KLHL32: variants seen among roughly 807,000 people sequenced by gnomAD.
The protein encoded by KLHL32 is kelch like family member 32.
A neutral mutation model predicts 64.8 loss-of-function variants in KLHL32; 35 were observed. That is an observed-to-expected ratio of 0.54 (90% CI 0.41 to 0.72). The LOEUF (loss-of-function observed/expected upper bound fraction) is 0.72. Ranked by LOEUF, KLHL32 falls within the 30% of genes least tolerant of loss-of-function variation. KLHL32 has a pLI of 0.00. For missense variants in KLHL32, 589 were observed against 768.5 expected, an observed-to-expected ratio of 0.77 and a Z score of 2.76; for synonymous variants, 259 against 281.0, an observed-to-expected ratio of 0.92 and a Z score of 0.78.
rs532703148 is a variant in KLHL32, at chr6:97,020,187, C to G, written c.205-21305C>G. 5.7e-4 allele frequency among the ~76,000 whole-genome samples: 80 copies of G among 140,998 alleles called. 1 individual carries two copies. Among genetic ancestry groups the G allele is most frequent in the Non-Finnish European group, 1.0e-3 (70 of 67,838 alleles). 92.5% of individuals were successfully genotyped at this position (140,998 alleles called of 152,430 possible). A position where few individuals can be genotyped will look rare whatever the true frequency, so the allele number is the denominator to read the frequency against. Reference sequence around the variant, plus strand: ...CAAACTCCTGACCTCATGATCCACCCGCTTCGGCCTCCCAAAGTGCTGGGA... The same window carrying G: ...CAAACTCCTGACCTCATGATCCACCGGCTTCGGCCTCCCAAAGTGCTGGGA... On this transcript the variant is annotated intron_variant, in intron 3 of 10. Coordinates refer to ENST00000369261, the MANE Select transcript of KLHL32 (RefSeq NM_052904.4).
intron 1 of KLHL32, among the ~76,000 whole-genome samples, chr6:96,939,517 T>C (rs548590377): frequency 6.6e-6 from 1 of 152,280 alleles, no homozygotes; most frequent in South Asian, 2.1e-4. Flanking sequence ...TGACCTGCTC[T>C]GGAGGTTGAT....
intron 1 of KLHL32, among the ~76,000 whole-genome samples, chr6:96,955,234 T>C (rs140347089): frequency 2.0e-5 from 3 of 152,336 alleles, no homozygotes; most frequent in Non-Finnish European, 4.4e-5. Flanking sequence ...ATGAACCTCA[T>C]ACTCATACCA....
intron 1 of KLHL32, among the ~76,000 whole-genome samples, chr6:96,949,548 T>C (rs547319699): frequency 1.3e-5 from 2 of 152,296 alleles, no homozygotes; most frequent in South Asian, 4.1e-4. Flanking sequence ...TTTATTTTTG[T>C]AAAAATTGTG....
At chr6:97,039,356 A>G (rs563317416) in intron 3 of KLHL32, among the ~76,000 whole-genome samples, 1 of 152,180 alleles carries the variant, frequency 6.6e-6, no homozygotes, top group Admixed American at 6.5e-5. Flanking sequence ...GAAGACATAG[A>G]GTAGATTGGT....
chr6:97,138,443 G>A (rs1800300658), intron 10 of KLHL32, among the ~76,000 whole-genome samples: 2 of 152,070 alleles, frequency 1.3e-5, no homozygotes, highest in East Asian at 1.9e-4. Flanking sequence ...GGAGGGTGAG[G>A]CAGGAGGATT....
At chr6:96,937,197 G>C (rs10782170) in intron 1 of KLHL32, among the ~76,000 whole-genome samples, 109,246 of 152,006 alleles carry the variant, frequency 0.72, 39,429 homozygotes, top group South Asian at 0.78. Context: ...TTCTGTCACC[G>C]CAAAATGTTC....
chr6:97,012,949 A>G (rs1238802622), intron 3 of KLHL32, among the ~76,000 whole-genome samples: 1 of 152,208 alleles, frequency 6.6e-6, no homozygotes, highest in Admixed American at 6.5e-5. Context: ...AGTCCAAAAG[A>G]GCCCTTTTTC....
chr6:97,130,214 A>T (rs924425255), intron 8 of KLHL32, among the ~76,000 whole-genome samples: 4 of 152,176 alleles, frequency 2.6e-5, no homozygotes, highest in Non-Finnish European at 5.9e-5. Context: ...CTTTATGTGT[A>T]TTAGCTCATT....
At chr6:96,900,116 T>C in the KLHL32 span, among the ~76,000 whole-genome samples, 3 of 152,226 alleles carry the variant, frequency 2.0e-5, no homozygotes, top group African/African-American at 7.2e-5. Flanking sequence ...ACAAGTTCTC[T>C]CTGCCTGAAC....
At chr6:97,078,807 T>C (rs1792011881) in intron 5 of KLHL32, among the ~76,000 whole-genome samples, 1 of 152,218 alleles carries the variant, frequency 6.6e-6, no homozygotes, top group African/African-American at 2.4e-5. Context: ...AACTCCATTA[T>C]CTACCCCACA....
rs543826125 is a variant in KLHL32, at chr6:97,061,707, A to C, written c.313-2921A>C. Among the ~76,000 whole-genome samples, 5 of 152,292 alleles carry C rather than the reference A, an allele frequency of 3.3e-5. No homozygotes were observed. In the South Asian group the frequency reaches 1.0e-3, roughly 32 times the overall value. On this transcript the variant is annotated intron_variant, in intron 4 of 10. Coordinates refer to ENST00000369261, the MANE Select transcript of KLHL32 (RefSeq NM_052904.4). Reference sequence around the variant, plus strand: ...GCAGCTGTCTTAGTTGTTCTCCATAAACCTGTGTGTTTGAGATCCCTTTTT... The same window carrying C: ...GCAGCTGTCTTAGTTGTTCTCCATACACCTGTGTGTTTGAGATCCCTTTTT...
intron 4 of KLHL32, among the ~76,000 whole-genome samples, chr6:97,046,522 G>A (rs1785951495): frequency 6.6e-6 from 1 of 152,064 alleles, no homozygotes; most frequent in Non-Finnish European, 1.5e-5. Flanking sequence ...CAGTCCATGA[G>A]GGCTTAGACT....
chr6:97,048,598 A>C (rs1165845992), intron 4 of KLHL32, among the ~76,000 whole-genome samples: 2 of 152,202 alleles, frequency 1.3e-5, no homozygotes, highest in Admixed American at 6.5e-5. Context: ...ATAAGTTCAC[A>C]TGACTTTTTT....
the KLHL32 span, among the ~76,000 whole-genome samples, chr6:96,916,688 C>A: frequency 2.0e-5 from 3 of 152,170 alleles, no homozygotes; most frequent in Non-Finnish European, 4.4e-5. Context: ...GTCTTTTCTT[C>A]TGTTAATCTG....
At chr6:97,082,516 A>G (rs573149786) in intron 5 of KLHL32, among the ~76,000 whole-genome samples, 21 of 151,998 alleles carry the variant, frequency 1.4e-4, no homozygotes, top group East Asian at 5.8e-4. Context: ...GGGAGGCTGA[A>G]GCAGGAGAAT....
chr6:97,037,358 T>G (rs1460041199), intron 3 of KLHL32, among the ~76,000 whole-genome samples: 1 of 151,998 alleles, frequency 6.6e-6, no homozygotes, highest in Admixed American at 6.6e-5. Context: ...ATTGTCCATC[T>G]TATACATATT....
chr6:97,035,890 T>G (rs961978835), intron 3 of KLHL32, among the ~76,000 whole-genome samples: 2 of 152,178 alleles, frequency 1.3e-5, no homozygotes, highest in Non-Finnish European at 2.9e-5. Context: ...TTTAGAATGT[T>G]TTTGGTAATT....
intron 1 of KLHL32, among the ~76,000 whole-genome samples, chr6:96,933,178 A>G (rs577025380): frequency 2.1e-4 from 32 of 152,294 alleles, no homozygotes; most frequent in African/African-American, 5.8e-4. Flanking sequence ...TTTGAAAACA[A>G]CGACATATTT....
chr6:96,937,258 C>T (rs961200756), intron 1 of KLHL32, among the ~76,000 whole-genome samples: 1 of 152,210 alleles, frequency 6.6e-6, no homozygotes, highest in African/African-American at 2.4e-5. Flanking sequence ...CATAGGTAAC[C>T]TCTGCTGTGC....
Sources: allele counts gnomAD v4.1 joint callset (sites outside exome capture counted in the v4.1 genomes callset), GRCh38; gene constraint gnomAD v4.1.1; transcripts MANE v1.5; gene names NCBI Gene and HGNC (gene_info 2026-07-23, HGNC 2026-07-21).